NPAS1: variants seen among roughly 807,000 people sequenced by gnomAD.
NPAS1 encodes the protein neuronal PAS domain protein 1.
NPAS1 carries 29 observed loss-of-function variants against 49.2 expected under a neutral mutation model. The ratio of observed to expected loss-of-function variants is 0.59; its 90% CI spans 0.44 to 0.80. NPAS1 has a LOEUF of 0.80. Ranked by LOEUF, NPAS1 falls within the 30% of genes least tolerant of loss-of-function variation. The pLI is 0.00. For missense variants in NPAS1, 825 were observed against 835.5 expected (o/e 0.99, Z 0.15); for synonymous variants, 408 against 380.4 (o/e 1.07, Z -0.84).
chr19:47,033,823 T>G (rs1163385233), intron 5 of NPAS1, among the ~76,000 whole-genome samples: 1 of 69,698 alleles, frequency 1.4e-5, no homozygotes, highest in African/African-American at 5.8e-5. Flanking sequence ...ACAAAAAAAC[T>G]TAAAAATTAG....
In NPAS1 at chr19:47,027,703, C is replaced by CTCCCGTCTCTCTGCCCCTGGTCT. The variant is rs199499423; in HGVS notation, c.359-4575_359-4574insTCCCGTCTCTCTGCCCCTGGTCT. Among the ~76,000 whole-genome samples, 6 of 21,902 alleles carry CTCCCGTCTCTCTGCCCCTGGTCT rather than the reference C, an allele frequency of 2.7e-4. 3 individuals carry two copies. The highest frequency in any genetic ancestry group is 5.5e-4 in the Non-Finnish European group (4 of 7,318). The allele number at this position is 21,902 out of a possible 152,430, so 14.4% of individuals were successfully genotyped here. A position where few individuals can be genotyped will look rare whatever the true frequency, so the allele number is the denominator to read the frequency against. On this transcript the variant is annotated intron_variant, in intron 3 of 11. Coordinates refer to ENST00000602212, the MANE Select transcript of NPAS1 (RefSeq NM_002517.4). ...GGTCTCCTGTCTGTCTGCCCCTGGT[C>CTCCCGTCTCTCTGCCCCTGGTCT]CCCTTCTCTCTGCCCCTGGTCTCCC...
At chr19:47,038,268 C>T (rs2056980253) in intron 6 of NPAS1, among the ~76,000 whole-genome samples, 1 of 152,186 alleles carries the variant, frequency 6.6e-6, no homozygotes. Flanking sequence ...CCTGTAATCC[C>T]AGCACTTTGG....
At position 47,032,729 on chromosome 19, in the gene NPAS1, A is replaced by C. The variant is rs1164615664; in HGVS notation, c.519A>C (p.Ser173=). The part of the protein sequence containing the change: ...SETVSIYLGL[S]QVEMTGSSVF... ...CAGTCTCCATCTATCTGGGTCTCTC[A>C]CAGGTAAGGGACCCCCAGTGGACCT... The change falls in exon 5 of 12, where the codon TCA becomes TCC. Residue 173 remains serine (S), a synonymous_variant. Transcript: ENST00000602212. 2 of 1,612,780 alleles carry C rather than the reference A, an allele frequency of 1.2e-6. No homozygotes were observed. Among genetic ancestry groups the C allele is most frequent in the Admixed American group, 3.3e-5 (2 of 60,008 alleles).
At chr19:47,031,347 G>A (rs149890327) in intron 3 of NPAS1, among the ~76,000 whole-genome samples, 3 of 151,296 alleles carry the variant, frequency 2.0e-5, no homozygotes, top group Non-Finnish European at 4.4e-5. Context: ...ACAGGCCCAC[G>A]CCACCATGCC....
chr19:47,021,156 C>G lies in NPAS1; in HGVS notation c.109C>G (p.Pro37Ala), dbSNP rs753078765. 9.3e-5 allele frequency: 148 copies of G among 1,588,188 alleles called. No homozygotes were observed. Among genetic ancestry groups the G allele is most frequent in the Non-Finnish European group, 2.5e-5 (29 of 1,169,176 alleles). Residue 37 changes from proline (P) to alanine (A), a missense_variant, in exon 2 of 12, where the codon CCG (proline) becomes GCG (alanine). Physicochemically the swap from Pro to Ala is conservative, Grantham distance 27. Transcript: ENST00000602212. The surrounding 1 kb of genome is among the most constrained non-coding windows in gnomAD (Gnocchi z 5.7). ...TCTACCCGGGCTGATGGTCAAGGCG[C>G]CGTCCGGACCGTGGTGAGCAAAGCC... ...DFLPGLMVKAPSGPCLQAQRK... is the reference protein window; with the variant it reads ...DFLPGLMVKAASGPCLQAQRK...
intron 11 of NPAS1, among the ~76,000 whole-genome samples, chr19:47,043,218 C>T (rs2057040157): frequency 7.3e-6 from 1 of 137,168 alleles, no homozygotes; most frequent in Non-Finnish European, 1.5e-5. Context: ...ATCGCTTGAA[C>T]CCGGGAGGCG....
At chr19:47,035,010 C>T (rs1206227329) in intron 5 of NPAS1, among the ~76,000 whole-genome samples, 2 of 151,092 alleles carry the variant, frequency 1.3e-5, no homozygotes, top group African/African-American at 4.9e-5. Context: ...GGAGAAACCC[C>T]GTCTGTACTA....
intron 5 of NPAS1, chr19:47,035,191 AAAG>A (rs56216577): frequency 0.27 from 39,789 of 148,882 alleles, 5,448 homozygotes; most frequent in South Asian, 0.47. Context: ...AAAAAAATAA[AAAG>A]AAGAAGAAGA....
rs746777545 is a variant in NPAS1 at position 47,039,416 on chromosome 19, G to A, written c.814G>A (p.Val272Met). The A allele has an allele frequency of 6.2e-6, 10 of 1,611,674 alleles. No individual in the cohort carries two copies. Among genetic ancestry groups the A allele is most frequent in the East Asian group, 2.2e-5 (1 of 44,890 alleles). ...VKASGYKVIH[V>M]TGRLRAHALG... The stretch of plus-strand genomic sequence containing the variant: ...TGCCCACCACCAGCAGGTCATCCAC[G>A]TGACTGGGCGCCTTCGGGCCCACGC... Residue 272 changes from valine (V) to methionine (M), a missense_variant, in exon 8 of 12, where the codon GTG (valine) becomes ATG (methionine). Coordinates refer to ENST00000602212, the MANE Select transcript of NPAS1 (RefSeq NM_002517.4).
Position 47,039,539 on chromosome 19 carries a change from C to G in NPAS1, c.937C>G (p.Leu313Val). The G allele has an allele frequency of 6.3e-7, 1 of 1,590,338 alleles. No individual in the cohort carries two copies. The highest frequency in any genetic ancestry group is 8.6e-7 in the Non-Finnish European group (1 of 1,165,824). Residue 313 changes from leucine to valine, a missense_variant, in exon 8 of 12, where the codon CTC (leucine) becomes GTC (valine). Leu to Val is a conservative substitution (Grantham distance 32). Transcript: ENST00000602212. ...GATCGTCTTCCGTCTCAGCCTGGGTCTCACCATCCTTGCTTGTGAGAGCAG... is the reference window on the plus strand; with the variant it reads ...GATCGTCTTCCGTCTCAGCCTGGGTGTCACCATCCTTGCTTGTGAGAGCAG... ...HMIVFRLSLG[L>V]TILACESRVS...
intron 3 of NPAS1, among the ~76,000 whole-genome samples, chr19:47,026,201 AGTGCTGGGGTTACAG>A (rs1390314568): frequency 6.6e-6 from 1 of 152,168 alleles, no homozygotes; most frequent in Non-Finnish European, 1.5e-5. Flanking sequence ...AGCCTCCCAA[AGTGCTGGGGTTACAG>A]GTGTAAGCCA....
rs201128659 is a variant in NPAS1 at position 47,026,965 on chromosome 19, AAG to A, written c.358+5130_358+5131del. Among the ~76,000 whole-genome samples, 4 of 151,832 alleles carry A rather than the reference AAG, an allele frequency of 2.6e-5. No individual in the cohort carries two copies. The South Asian group carries it at 6.2e-4, about 24-fold the overall frequency. On this transcript the variant is annotated intron_variant, in intron 3 of 11. Coordinates refer to ENST00000602212, the MANE Select transcript of NPAS1 (RefSeq NM_002517.4). ...TAGATGCCGTCTCAAAAAAAAAAAAAAGAGAGAGAGAGAATGGTGGCATGACT... is the reference window on the plus strand; with the variant it reads ...TAGATGCCGTCTCAAAAAAAAAAAAAAGAGAGAGAGAATGGTGGCATGACT...
chr19:47,034,042 C>A (rs915880042), intron 5 of NPAS1, among the ~76,000 whole-genome samples: 2 of 121,702 alleles, frequency 1.6e-5, no homozygotes, highest in Non-Finnish European at 3.4e-5. Flanking sequence ...CGGTGGCTCA[C>A]GCCTGTAATC....
At chr19:47,041,979 CAAAAAAA>C (rs369320245) in intron 10 of NPAS1, among the ~76,000 whole-genome samples, 1,775 of 96,068 alleles carry the variant, frequency 0.018, 25 homozygotes, top group African/African-American at 0.033. Flanking sequence ...GACCCTGTCT[CAAAAAAA>C]AAAAAAAAAA....
intron 3 of NPAS1, among the ~76,000 whole-genome samples, chr19:47,024,809 C>CTTTT (rs774304674): frequency 7.5e-5 from 10 of 133,598 alleles, no homozygotes; most frequent in African/African-American, 2.5e-4. Flanking sequence ...TTCCCTATTG[C>CTTTT]TTTTTTTTTT....
At chr19:47,038,759 G>A (rs1035465580) in intron 6 of NPAS1, among the ~76,000 whole-genome samples, 2 of 152,126 alleles carry the variant, frequency 1.3e-5, no homozygotes, top group Non-Finnish European at 2.9e-5. Context: ...CCCAGGAGGC[G>A]GAGGTTGCAG....
intron 3 of NPAS1, among the ~76,000 whole-genome samples, chr19:47,026,839 A>G (rs977400827): frequency 6.6e-5 from 10 of 151,872 alleles, no homozygotes; most frequent in African/African-American, 2.4e-4. Context: ...CTGTACTCCC[A>G]GCTACTTGGG....
intron 1 of NPAS1, among the ~76,000 whole-genome samples, chr19:47,020,712 A>T (rs1207378622): frequency 6.6e-6 from 1 of 150,620 alleles, no homozygotes; most frequent in Non-Finnish European, 1.5e-5. Context: ...TTCGATCCGT[A>T]TGCGCGCCGC....
chr19:47,023,558 T>TC (rs1194213899), intron 3 of NPAS1, among the ~76,000 whole-genome samples: 10 of 152,074 alleles, frequency 6.6e-5, no homozygotes, highest in African/African-American at 2.2e-4. Flanking sequence ...AGCACCTGCT[T>TC]CCATAGTTCA....
Sources: gnomAD v4.1 joint callset for allele counts (sites outside exome capture counted in the v4.1 genomes callset) on GRCh38, gnomAD v4.1.1 for gene constraint, Gnocchi (gnomAD v3.1) non-coding constraint, MANE v1.5 for transcripts, NCBI Gene and HGNC (gene_info 2026-07-23, HGNC 2026-07-21) for gene names.